The following TP53BP1 variants were observed in gnomAD, a reference collection of about 807,000 sequenced individuals.
TP53BP1 encodes tumor protein p53 binding protein 1, also known as TP53-binding protein 1.
In TP53BP1, 61 loss-of-function variants were observed where a neutral mutation model predicts 200.8. The observed-to-expected ratio is 0.30, with a 90% CI of 0.25 to 0.38. The LOEUF is 0.38. Ranked by LOEUF, TP53BP1 falls within the 10% of genes least tolerant of loss-of-function variation. TP53BP1 has a pLI of 1.00. For missense variants in TP53BP1, 2,144 were observed against 2,371.9 expected, an observed-to-expected ratio of 0.90 and a Z score of 2.00; for synonymous variants, 822 against 844.3, an observed-to-expected ratio of 0.97 and a Z score of 0.46.
At chr15:43,471,229 A>T (rs1382205611) in intron 10 of TP53BP1, among the ~76,000 whole-genome samples, 24 of 144,808 alleles carry the variant, frequency 1.7e-4, no homozygotes, top group Admixed American at 1.2e-3. Context: ...ACTGTTACAT[A>T]AAAAAAAAAA....
chr15:43,493,825 T>C (rs1214415819), upstream of TP53BP1, among the ~76,000 whole-genome samples: 1 of 152,224 alleles, frequency 6.6e-6, no homozygotes, highest in Non-Finnish European at 1.5e-5. Context: ...TGCCTTATCT[T>C]TTATGGGATT....
At chr15:43,479,676 A>C (rs2078934919) in intron 6 of TP53BP1, 150 bp from the exon 7 acceptor site, 2 of 1,158,696 alleles carry the variant, frequency 1.7e-6, no homozygotes, top group African/African-American at 3.1e-5. Flanking sequence ...AGTAACCAAT[A>C]ACTTAAAACC....
chr15:43,412,677 A>C (rs867946810), intron 24 of TP53BP1: 15 of 471,226 alleles, frequency 3.2e-5, no homozygotes, highest in African/African-American at 2.8e-4. Context: ...CTTACCCTCC[A>C]CATGGGTTTG....
intron 16 of TP53BP1, among the ~76,000 whole-genome samples, chr15:43,435,735 C>G (rs1364395845): frequency 6.6e-6 from 1 of 151,796 alleles, no homozygotes. Flanking sequence ...CTCACTCTCT[C>G]GCCAGGCTGT....
At chr15:43,471,927 A>C (rs1015018349) in intron 10 of TP53BP1, among the ~76,000 whole-genome samples, 2 of 152,218 alleles carry the variant, frequency 1.3e-5, no homozygotes, top group Admixed American at 6.5e-5. Context: ...GATATTAGTC[A>C]ATTTGGATAC....
At chr15:43,497,571 T>C (rs900377071), upstream of TP53BP1, 1 of 345,226 alleles carries the variant, frequency 2.9e-6, no homozygotes, top group Non-Finnish European at 4.1e-6. Flanking sequence ...GATATGAACA[T>C]GCTCAACACA....
intron 11 of TP53BP1, among the ~76,000 whole-genome samples, chr15:43,464,889 C>T (rs1212349170): frequency 2.0e-5 from 3 of 151,834 alleles, no homozygotes; most frequent in Non-Finnish European, 4.4e-5. Flanking sequence ...GCATGGGCAA[C>T]AAGTACGAAA....
chr15:43,510,640 CAG>C (rs2079268639), upstream of TP53BP1: 1 of 290,312 alleles, frequency 3.4e-6, no homozygotes, highest in South Asian at 5.7e-5. Context: ...GCGGAATTGC[CAG>C]ACAGTACTTA....
intron 12 of TP53BP1, among the ~76,000 whole-genome samples, chr15:43,454,412 G>A (rs2046244969): frequency 1.3e-5 from 2 of 151,186 alleles, no homozygotes; most frequent in African/African-American, 4.9e-5. Flanking sequence ...TGCCCAGGCT[G>A]TAGTGCAATG....
chr15:43,482,727 T>C (rs2078991300), intron 4 of TP53BP1, among the ~76,000 whole-genome samples: 1 of 151,406 alleles, frequency 6.6e-6, no homozygotes, highest in African/African-American at 2.4e-5. Context: ...AAGATCACGC[T>C]ACTGCACTCC....
intron 12 of TP53BP1, among the ~76,000 whole-genome samples, chr15:43,450,881 A>G (rs1421260573): frequency 2.6e-5 from 4 of 151,960 alleles, no homozygotes; most frequent in Non-Finnish European, 5.9e-5. Context: ...TTATTTATTT[A>G]CTTATTTATT....
intron 24 of TP53BP1, chr15:43,412,656 G>A: frequency 2.1e-6 from 1 of 471,268 alleles, no homozygotes; most frequent in South Asian, 1.5e-5. Flanking sequence ...TTAGACCTCA[G>A]GAGAATGAAC....
At chr15:43,464,251 T>C (rs541653242) in intron 11 of TP53BP1, among the ~76,000 whole-genome samples, 1 of 152,094 alleles carries the variant, frequency 6.6e-6, no homozygotes, top group South Asian at 2.1e-4. Flanking sequence ...CTGGAAGAAA[T>C]AGGACTATTC....
At chr15:43,468,930 C>G (rs2046655071) in intron 11 of TP53BP1, among the ~76,000 whole-genome samples, 3 of 152,124 alleles carry the variant, frequency 2.0e-5, no homozygotes, top group Non-Finnish European at 4.4e-5. Context: ...TTTTAAAACT[C>G]CAGAAAACAA....
At chr15:43,420,216 C>G in intron 21 of TP53BP1, 89 bp downstream of exon 21, 1 of 1,278,604 alleles carries the variant, frequency 7.8e-7, no homozygotes, top group Non-Finnish European at 1.1e-6. Flanking sequence ...GGAAAAGTAC[C>G]AAGTAATGTC....
Position 43,456,672 on chromosome 15 carries a change from C to T in TP53BP1, c.1936G>A (p.Val646Met), listed in dbSNP as rs765298582. The change falls in exon 12 of 28, where the codon GTG becomes ATG. Residue 646 changes from valine (V) to methionine (M), a missense_variant. By Grantham distance (21) the Val-to-Met change is conservative. Transcript: ENST00000382044. ...PATRSEALSS[V>M]LDQEEAMEIK... ...TCCATAGCTTCCTCCTGATCTAACA[C>T]ACTAGAAAGTGCCTCAGATCGAGTA... 6.2e-7 allele frequency: 1 copy of T among 1,614,176 alleles called. No individual in the cohort carries two copies. Among genetic ancestry groups the T allele is most frequent in the East Asian group, 2.2e-5 (1 of 44,882 alleles).
At chr15:43,446,913 G>A (rs2046054248) in intron 13 of TP53BP1, 1 of 740,950 alleles carries the variant, frequency 1.3e-6, no homozygotes, top group Non-Finnish European at 2.2e-6. Flanking sequence ...TCCCAGCACT[G>A]ACTAGAGAAA....
intron 11 of TP53BP1, among the ~76,000 whole-genome samples, chr15:43,461,314 G>C (rs948413777): frequency 2.0e-5 from 3 of 151,760 alleles, no homozygotes; most frequent in Non-Finnish European, 2.9e-5. Flanking sequence ...TGACCTCCTA[G>C]GCTCAAGTGA....
At chr15:43,490,918 A>ATG (rs1200633655) in intron 4 of TP53BP1, among the ~76,000 whole-genome samples, 14 of 152,226 alleles carry the variant, frequency 9.2e-5, no homozygotes, top group African/African-American at 3.4e-4. Flanking sequence ...AACACAGAGC[A>ATG]TGAACTCAAA....
Sources: gnomAD v4.1 joint callset for allele counts (sites outside exome capture counted in the v4.1 genomes callset) on GRCh38, gnomAD v4.1.1 for gene constraint, MANE v1.5 for transcripts, NCBI Gene and HGNC (gene_info 2026-07-23, HGNC 2026-07-21) for gene names.